The following HROB variants were observed in gnomAD, a reference collection of about 807,000 sequenced individuals.
HROB encodes homologous recombination OB-fold protein.
A neutral mutation model predicts 61.0 loss-of-function variants in HROB; 44 were observed. The ratio of observed to expected loss-of-function variants is 0.72; its 90% CI spans 0.57 to 0.93. The LOEUF is 0.93. Among genes scored for constraint, HROB ranks in the 40% least tolerant of loss-of-function variants. The probability of loss-of-function intolerance (pLI) is 0.00; values close to 1 mark genes in which losing one functional copy is unlikely to be tolerated. For synonymous variants in HROB, 301 were observed against 310.4 expected (o/e 0.97, Z 0.32); for missense variants, 716 against 796.2 (o/e 0.90, Z 1.21).
intron 9 of HROB, among the ~76,000 whole-genome samples, chr17:44,161,443 T>A (rs2054136860): frequency 6.6e-6 from 1 of 152,172 alleles, no homozygotes; most frequent in Non-Finnish European, 1.5e-5. Context: ...GGTGATATTT[T>A]CCACTGTCAG....
At chr17:44,144,739 GTCTTTTT>G (rs1567711023) in intron 1 of HROB, among the ~76,000 whole-genome samples, 1 of 131,124 alleles carries the variant, frequency 7.6e-6, no homozygotes. Flanking sequence ...GAATACTTGG[GTCTTTTT>G]TTTTTTTTTT....
chr17:44,144,202 G>A (rs2053544535), intron 1 of HROB, among the ~76,000 whole-genome samples: 1 of 151,582 alleles, frequency 6.6e-6, no homozygotes, highest in Non-Finnish European at 1.5e-5. Context: ...GTGCAGTGGT[G>A]CGATCTCGGC....
At chr17:44,151,705 T>A (rs577692308) in intron 4 of HROB, among the ~76,000 whole-genome samples, 20 of 152,292 alleles carry the variant, frequency 1.3e-4, no homozygotes, top group African/African-American at 4.8e-4. Context: ...CCTATAAATA[T>A]ATGTGGTGGA....
At chr17:44,155,513 G>A in intron 8 of HROB, 102 bp downstream of exon 8, 1 of 1,510,500 alleles carries the variant, frequency 6.6e-7, no homozygotes, top group Non-Finnish European at 8.8e-7. Context: ...AGGTCTGAAG[G>A]GGGCAGGTGC....
At chr17:44,146,992 C>G (rs1377444130) in intron 2 of HROB, among the ~76,000 whole-genome samples, 1 of 151,638 alleles carries the variant, frequency 6.6e-6, no homozygotes, top group Non-Finnish European at 1.5e-5. Context: ...GGCTCCAAGT[C>G]CTCTCTGGCT....
chr17:44,141,985 T>A lies in HROB; in HGVS notation c.-158T>A, dbSNP rs1358132981. The A allele has an allele frequency of 7.5e-6, 8 of 1,063,564 alleles. No homozygotes were observed. In the Admixed American group the frequency reaches 2.6e-4, roughly 34 times the overall value. 65.9% of individuals were successfully genotyped at this position (1,063,564 alleles called of 1,614,324 possible). A position where few individuals can be genotyped will look rare whatever the true frequency, so the allele number is the denominator to read the frequency against. On this transcript the variant is annotated 5_prime_UTR_variant, in exon 1 of 10. Coordinates refer to ENST00000585683, the MANE Select transcript of HROB (RefSeq NM_001171251.3). ...CGCCTGCCGCCAGTCTCCTGGCGAC[T>A]TTCCCTATATCGCAGAGACTCATCC...
intron 5 of HROB, among the ~76,000 whole-genome samples, chr17:44,153,459 A>G (rs531792577): frequency 6.6e-6 from 1 of 152,010 alleles, no homozygotes; most frequent in East Asian, 1.9e-4. Flanking sequence ...TGTCTCCTTT[A>G]AAAAAAACCC....
At chr17:44,157,474 C>T (rs1283511232) in intron 8 of HROB, among the ~76,000 whole-genome samples, 2 of 142,078 alleles carry the variant, frequency 1.4e-5, no homozygotes, top group Non-Finnish European at 3.0e-5. Context: ...AGTGCAGTGG[C>T]ACGATATTGG....
At chr17:44,155,213 T>G (rs2053935963) in intron 7 of HROB, 73 bp from the exon 8 acceptor site, 2 of 1,590,642 alleles carry the variant, frequency 1.3e-6, no homozygotes, top group Non-Finnish European at 1.7e-6. Context: ...GAAAGGCAGG[T>G]GGGAGCCAGG....
chr17:44,147,436 CTT>C lies in HROB; in HGVS notation c.55-405_55-404del, dbSNP rs34538292. Among the ~76,000 whole-genome samples, 291 of 114,696 alleles carry C rather than the reference CTT, an allele frequency of 2.5e-3. 3 individuals are homozygous for C. The East Asian group carries it at 0.046, about 18-fold the overall frequency. 75.2% of individuals were successfully genotyped at this position (114,696 alleles called of 152,430 possible). A position where few individuals can be genotyped will look rare whatever the true frequency, so the allele number is the denominator to read the frequency against. On this transcript the variant is annotated intron_variant, in intron 2 of 9. Transcript: ENST00000585683. ...GTTTCTTTTTCTTTTTCTTTTCTTT[CTT>C]TTTTTTTTTTTTTTTTGAGACAGAG...
At chr17:44,149,975 T>C (rs1346546491) in intron 3 of HROB, among the ~76,000 whole-genome samples, 1 of 152,144 alleles carries the variant, frequency 6.6e-6, no homozygotes, top group African/African-American at 2.4e-5. Flanking sequence ...GGCGCTGTGC[T>C]CTGTGGATGT....
chr17:44,160,522 C>T (rs981866339), intron 9 of HROB, among the ~76,000 whole-genome samples: 8 of 152,100 alleles, frequency 5.3e-5, no homozygotes, highest in Admixed American at 1.3e-4. Context: ...GAGCCGAGAT[C>T]GTGCCACTGC....
At chr17:44,145,698 G>A (rs1397059052) in intron 2 of HROB, among the ~76,000 whole-genome samples, 1 of 152,160 alleles carries the variant, frequency 6.6e-6, no homozygotes, top group Non-Finnish European at 1.5e-5. Context: ...CAATATGAGG[G>A]ATGCTCTTCT....
At chr17:44,147,071 G>A (rs2053632332) in intron 2 of HROB, among the ~76,000 whole-genome samples, 1 of 151,992 alleles carries the variant, frequency 6.6e-6, no homozygotes, top group Admixed American at 6.6e-5. Flanking sequence ...GAGAAAGAGA[G>A]CACACGAGTG....
intron 1 of HROB, among the ~76,000 whole-genome samples, 166 bp downstream of exon 1, chr17:44,142,311 CGCGCCGGAGACCCTGAGAAA>C (rs1416668634): frequency 3.3e-5 from 5 of 152,098 alleles, no homozygotes; most frequent in Non-Finnish European, 5.9e-5. Flanking sequence ...TTGTCATGGA[CGCGCCGGAGACCCTGAGAAA>C]GCATTCTCCT....
intron 1 of HROB, among the ~76,000 whole-genome samples, chr17:44,143,907 C>CT (rs138829881): frequency 0.4 from 60,518 of 151,968 alleles, 15,024 homozygotes; most frequent in Middle Eastern, 0.55. Context: ...CCTTTGCCCC[C>CT]TTTCTTCCCT....
rs1237523278 is a variant in HROB, at chr17:44,154,917, C to T, written c.1623C>T (p.Gly541=). ...LETCQNELKP[G]SVLLLKQIGV... ...CGTGCCAGAATGAGCTGAAGCCTGG[C>T]TCAGTGCTGCTGCTGAAGCAGGTAT... Residue 541 remains glycine, a synonymous_variant, in exon 7 of 10, where the codon GGC becomes GGT. Transcript: ENST00000585683. The T allele has an allele frequency of 8.1e-6, 13 of 1,613,912 alleles. No individual in the cohort carries two copies. Among genetic ancestry groups the T allele is most frequent in the Non-Finnish European group, 1.1e-5 (13 of 1,179,978 alleles).
At chr17:44,147,833 A>C (rs1598088396) in intron 2 of HROB, 25 bp from the exon 3 acceptor site, 1 of 1,591,260 alleles carries the variant, frequency 6.3e-7, no homozygotes, top group Non-Finnish European at 8.6e-7. Context: ...AGATGCCAAG[A>C]CCTACCATCT....
chr17:44,143,144 G>T (rs1052560400), intron 1 of HROB, among the ~76,000 whole-genome samples: 10 of 152,060 alleles, frequency 6.6e-5, no homozygotes, highest in African/African-American at 2.2e-4. Context: ...CACTTTGTTG[G>T]CCAGGCTGTT....
Sources: gnomAD v4.1 joint callset for allele counts (sites outside exome capture counted in the v4.1 genomes callset) on GRCh38, gnomAD v4.1.1 for gene constraint, MANE v1.5 for transcripts, NCBI Gene and HGNC (gene_info 2026-07-23, HGNC 2026-07-21) for gene names.